UPP2: variants seen among roughly 807,000 people sequenced by gnomAD.
The protein encoded by UPP2 is uridine phosphorylase 2.
A neutral mutation model predicts 26.7 loss-of-function variants in UPP2; 23 were observed. The ratio of observed to expected loss-of-function variants is 0.86; its 90% CI spans 0.62 to 1.22. The LOEUF (loss-of-function observed/expected upper bound fraction) is 1.22, where lower values mean the gene tolerates loss of function less well. Among genes scored for constraint, UPP2 ranks in the 50% most tolerant of loss-of-function variants. The pLI, the probability that UPP2 is intolerant of heterozygous loss-of-function variation, is 0.00. For missense variants in UPP2, 387 were observed against 396.7 expected (o/e 0.98, Z 0.21); for synonymous variants, 127 against 141.3 (o/e 0.90, Z 0.72).
intron 4 of UPP2, among the ~76,000 whole-genome samples, chr2:158,120,701 A>C (rs1321313516): frequency 1.3e-5 from 2 of 151,972 alleles, no homozygotes; most frequent in Non-Finnish European, 2.9e-5. Context: ...AGTGTAACCT[A>C]TCTGTGTTGC....
intron 4 of UPP2, among the ~76,000 whole-genome samples, chr2:158,120,313 T>C (rs1259965871): frequency 1.2e-4 from 19 of 152,100 alleles, no homozygotes; most frequent in Admixed American, 9.8e-4. Context: ...ATAGACAATA[T>C]GTAAATAAAT....
intron 3 of UPP2, among the ~76,000 whole-genome samples, chr2:158,068,465 A>G (rs1257138891): frequency 6.6e-6 from 1 of 151,744 alleles, no homozygotes; most frequent in Non-Finnish European, 1.5e-5. Flanking sequence ...CAAACAGCCC[A>G]AATTCAAAGC....
chr2:158,042,064 A>C (rs757255427), intron 3 of UPP2, among the ~76,000 whole-genome samples: 60 of 152,338 alleles, frequency 3.9e-4, no homozygotes, highest in Non-Finnish European at 7.9e-4. Context: ...TTAGGGGTCA[A>C]GTAATGCTGC....
At chr2:158,016,096 G>A (rs1401443668) in intron 3 of UPP2, among the ~76,000 whole-genome samples, 2 of 150,174 alleles carry the variant, frequency 1.3e-5, no homozygotes, top group Non-Finnish European at 3.0e-5. Context: ...AAGGGCTCCA[G>A]TTTCTCCACA....
At chr2:158,111,622 T>G (rs1172611757) in intron 2 of UPP2, among the ~76,000 whole-genome samples, 1 of 152,186 alleles carries the variant, frequency 6.6e-6, no homozygotes, top group Non-Finnish European at 1.5e-5. Context: ...TTGATTTCTG[T>G]GTATTAAGCT....
chr2:158,068,648 T>C (rs1682476136), intron 3 of UPP2, among the ~76,000 whole-genome samples: 1 of 150,550 alleles, frequency 6.6e-6, no homozygotes, highest in African/African-American at 2.4e-5. Context: ...CTCAGATGCT[T>C]GTGTGGGCCC....
chr2:158,085,572 G>A (rs183232682), intron 3 of UPP2, among the ~76,000 whole-genome samples: 1 of 152,126 alleles, frequency 6.6e-6, no homozygotes, highest in African/African-American at 2.4e-5. Flanking sequence ...GCATTCTTGT[G>A]TTTTGCCAGT....
At chr2:158,077,381 G>A (rs962368454) in intron 3 of UPP2, among the ~76,000 whole-genome samples, 4 of 152,108 alleles carry the variant, frequency 2.6e-5, no homozygotes, top group Non-Finnish European at 2.9e-5. Context: ...CACATTACCC[G>A]ACTTCAAATT....
chr2:158,035,479 C>G (rs995216398), intron 3 of UPP2, among the ~76,000 whole-genome samples: 6 of 151,998 alleles, frequency 3.9e-5, no homozygotes, highest in Non-Finnish European at 8.8e-5. Context: ...GAAGTGGGCT[C>G]TGATAGTCTG....
chr2:158,121,594 A>G lies in UPP2; in HGVS notation c.640A>G (p.Met214Val), dbSNP rs763107008. The G allele has an allele frequency of 2.5e-6, 4 of 1,612,962 alleles. No individual in the cohort carries two copies. The highest frequency in any genetic ancestry group is 1.1e-5 in the South Asian group (1 of 91,070). Reference protein sequence around the residue: ...PNFPTLVGHTMCTYDFYEGQG... With the variant: ...PNFPTLVGHTVCTYDFYEGQG... ...CTTCCCAACCCTCGTTGGACATACAATGTGTACCTATGATTTTTATGAAGG... is the reference window on the plus strand; with the variant it reads ...CTTCCCAACCCTCGTTGGACATACAGTGTGTACCTATGATTTTTATGAAGG... The change falls in exon 5 of 7, where the codon ATG (methionine) becomes GTG (valine). Residue 214 changes from methionine (M) to valine (V), a missense_variant. Met to Val is a conservative substitution (Grantham distance 21, BLOSUM62 1). Coordinates refer to ENST00000005756, the MANE Select transcript of UPP2 (RefSeq NM_173355.4).
chr2:158,118,551 T>C (rs1054361385), intron 4 of UPP2, among the ~76,000 whole-genome samples: 3 of 151,960 alleles, frequency 2.0e-5, no homozygotes, highest in Non-Finnish European at 2.9e-5. Context: ...TTGGTTTTGC[T>C]TCCAGAATGT....
chr2:158,005,839 C>T (rs750846389), intron 2 of UPP2, among the ~76,000 whole-genome samples: 1 of 152,088 alleles, frequency 6.6e-6, no homozygotes, highest in African/African-American at 2.4e-5. Context: ...TCTCCATGGC[C>T]AGGAGCAGCT....
At chr2:158,039,119 G>A (rs191678729) in intron 3 of UPP2, among the ~76,000 whole-genome samples, 16 of 152,320 alleles carry the variant, frequency 1.1e-4, no homozygotes, top group Admixed American at 5.9e-4. Flanking sequence ...ATTTGGGTGC[G>A]TGACGTAAGC....
chr2:158,106,716 A>G (rs1025035602), intron 2 of UPP2, among the ~76,000 whole-genome samples: 20 of 152,204 alleles, frequency 1.3e-4, no homozygotes, highest in African/African-American at 4.6e-4. Context: ...ATTAAATACT[A>G]CCATAAAATT....
chr2:157,997,919 T>C (rs765883906), intron 2 of UPP2, among the ~76,000 whole-genome samples: 1 of 152,166 alleles, frequency 6.6e-6, no homozygotes, highest in Non-Finnish European at 1.5e-5. Flanking sequence ...CACAATGACC[T>C]GGGAAAAATT....
chr2:158,011,460 C>T (rs1311299626), intron 2 of UPP2, among the ~76,000 whole-genome samples: 1 of 152,102 alleles, frequency 6.6e-6, no homozygotes, highest in African/African-American at 2.4e-5. Flanking sequence ...AAGGAGCCCT[C>T]CTTTCCCATA....
chr2:158,089,120 G>A (rs532915255), intron 3 of UPP2, among the ~76,000 whole-genome samples: 1 of 152,218 alleles, frequency 6.6e-6, no homozygotes, highest in South Asian at 2.1e-4. Context: ...AGGGTTAGGT[G>A]TGTCTGAGCT....
At chr2:158,015,217 C>T (rs1039511400) in intron 2 of UPP2, among the ~76,000 whole-genome samples, 1 of 152,056 alleles carries the variant, frequency 6.6e-6, no homozygotes, top group African/African-American at 2.4e-5. Flanking sequence ...AAACTCTATA[C>T]CCATTAAACA....
At chr2:158,108,412 A>G (rs1317895682) in intron 2 of UPP2, among the ~76,000 whole-genome samples, 1 of 152,200 alleles carries the variant, frequency 6.6e-6, no homozygotes, top group Non-Finnish European at 1.5e-5. Flanking sequence ...TAAAAAAATA[A>G]TGGCTCTTTC....
Sources: gnomAD v4.1 joint callset for allele counts (sites outside exome capture counted in the v4.1 genomes callset) on GRCh38, gnomAD v4.1.1 for gene constraint, MANE v1.5 for transcripts, NCBI Gene and HGNC (gene_info 2026-07-23, HGNC 2026-07-21) for gene names.